Variants in MITF observed in about 807,000 individuals in gnomAD.
The protein encoded by MITF is microphthalmia-associated transcription factor.
MITF carries 17 observed loss-of-function variants against 60.5 expected under a neutral mutation model. That is an observed-to-expected ratio of 0.28 (90% CI 0.19 to 0.42). The LOEUF (loss-of-function observed/expected upper bound fraction) is 0.42, where lower values mean the gene tolerates loss of function less well. MITF is among the 10% of genes least tolerant of loss of function. The pLI is 1.00. For synonymous variants in MITF, 260 were observed against 248.5 expected, an observed-to-expected ratio of 1.05 and a Z score of -0.43; for missense variants, 622 against 683.5, an observed-to-expected ratio of 0.91 and a Z score of 1.00.
At chr3:69,754,531 A>C (rs1413752079) in intron 1 of MITF, among the ~76,000 whole-genome samples, 2 of 151,944 alleles carry the variant, frequency 1.3e-5, no homozygotes, top group African/African-American at 4.8e-5. Flanking sequence ...TTCTGCCATG[A>C]TTGTAACTTT....
intron 2 of MITF, among the ~76,000 whole-genome samples, chr3:69,930,625 TTGAATGGTGAACATA>T (rs2065698829): frequency 6.6e-6 from 1 of 152,200 alleles, no homozygotes; most frequent in African/African-American, 2.4e-5. Flanking sequence ...TATTTGTTGA[TTGAATGGTGAACATA>T]TAACTTTTGA....
At chr3:69,842,070 A>G (rs557190001) in intron 1 of MITF, among the ~76,000 whole-genome samples, 1 of 152,332 alleles carries the variant, frequency 6.6e-6, no homozygotes, top group African/African-American at 2.4e-5. Context: ...ATATGAAGTG[A>G]GCGGTGTCCT....
At chr3:69,836,512 G>A (rs1217087740) in intron 1 of MITF, among the ~76,000 whole-genome samples, 3 of 152,142 alleles carry the variant, frequency 2.0e-5, no homozygotes, top group Admixed American at 6.5e-5. Flanking sequence ...CATATTGTAG[G>A]AGCTCAATAA....
intron 1 of MITF, chr3:69,778,892 A>G (rs2062518822): frequency 6.6e-6 from 1 of 152,076 alleles, no homozygotes; most frequent in Non-Finnish European, 1.5e-5. Context: ...GGAAAATTCC[A>G]TTTGGTGTTC....
chr3:69,764,201 G>A (rs1380122178), intron 1 of MITF, among the ~76,000 whole-genome samples: 2 of 152,140 alleles, frequency 1.3e-5, no homozygotes, highest in African/African-American at 4.8e-5. Flanking sequence ...GGCAGTGTTG[G>A]TATTTGAAGC....
chr3:69,911,664 C>G (rs1296168670), intron 2 of MITF, among the ~76,000 whole-genome samples: 1 of 152,064 alleles, frequency 6.6e-6, no homozygotes, highest in East Asian at 1.9e-4. Context: ...TATGCATAGA[C>G]AGTTCACAAA....
chr3:69,840,445 G>A (rs774320371), intron 1 of MITF, among the ~76,000 whole-genome samples: 16 of 152,146 alleles, frequency 1.1e-4, no homozygotes, highest in Non-Finnish European at 1.9e-4. Context: ...GAAGACAATT[G>A]CTCCTTTCAA....
chr3:69,932,673 T>C (rs1024694848), intron 2 of MITF, among the ~76,000 whole-genome samples: 2 of 152,242 alleles, frequency 1.3e-5, no homozygotes, highest in Non-Finnish European at 2.9e-5. Context: ...AGATTATATG[T>C]CCAAGGATAT....
chr3:69,957,121 C>T (rs547451868), intron 8 of MITF, among the ~76,000 whole-genome samples: 21 of 152,284 alleles, frequency 1.4e-4, no homozygotes, highest in Non-Finnish European at 2.4e-4. Flanking sequence ...TTTACCCACC[C>T]TGTCCCCTTC....
chr3:69,902,420 A>G (rs966655563), intron 2 of MITF, among the ~76,000 whole-genome samples: 1 of 152,196 alleles, frequency 6.6e-6, no homozygotes, highest in Non-Finnish European at 1.5e-5. Flanking sequence ...ACAAGGACAT[A>G]TGACAAACTC....
intron 2 of MITF, among the ~76,000 whole-genome samples, chr3:69,880,130 G>C (rs2064452726): frequency 6.6e-6 from 1 of 152,116 alleles, no homozygotes; most frequent in South Asian, 2.1e-4. Flanking sequence ...GGAAAGTAGA[G>C]GAACTTCCTT....
In MITF at chr3:69,818,345, A is replaced by G. The variant is rs2063214102; in HGVS notation, c.105-60789A>G. On this transcript the variant is annotated intron_variant, in intron 1 of 9. Coordinates refer to ENST00000352241, the MANE Select transcript of MITF (RefSeq NM_001354604.2). ...CTGTTTCCTCTTAGGTGTCCTGTTC[A>G]TTCTCTTGAGGAGGCATTGATTTCC... is the stretch of plus-strand genomic sequence containing the variant. 2.0e-5 allele frequency among the ~76,000 whole-genome samples: 3 copies of G among 152,048 alleles called. No individual in the cohort carries two copies. The South Asian group carries it at 6.2e-4, about 32-fold the overall frequency.
chr3:69,816,520 G>A (rs1046474837), intron 1 of MITF, among the ~76,000 whole-genome samples: 35 of 152,106 alleles, frequency 2.3e-4, no homozygotes, highest in African/African-American at 8.2e-4. Flanking sequence ...GAAATAATCT[G>A]GTACCAGCTG....
intron 2 of MITF, among the ~76,000 whole-genome samples, chr3:69,907,744 T>C (rs1383365696): frequency 6.6e-6 from 1 of 152,152 alleles, no homozygotes; most frequent in Non-Finnish European, 1.5e-5. Flanking sequence ...AGTCTGAGGC[T>C]TTCCTCAGAC....
At chr3:69,927,046 A>C (rs1355480855) in intron 2 of MITF, among the ~76,000 whole-genome samples, 1 of 152,236 alleles carries the variant, frequency 6.6e-6, no homozygotes, top group Non-Finnish European at 1.5e-5. Flanking sequence ...ATAGAAAATA[A>C]TAAAATAACA....
At chr3:69,872,397 T>G (rs2064259172) in intron 1 of MITF, among the ~76,000 whole-genome samples, 1 of 152,088 alleles carries the variant, frequency 6.6e-6, no homozygotes, top group African/African-American at 2.4e-5. Context: ...GTTACAGAGG[T>G]CTCTAAACAT....
At chr3:69,763,117 A>T (rs1028464005) in intron 1 of MITF, among the ~76,000 whole-genome samples, 2 of 152,208 alleles carry the variant, frequency 1.3e-5, no homozygotes, top group Admixed American at 6.5e-5. Flanking sequence ...GTATTTTCAA[A>T]AGAATTCCAA....
At chr3:69,898,352 C>G (rs998731094) in intron 2 of MITF, among the ~76,000 whole-genome samples, 1 of 152,194 alleles carries the variant, frequency 6.6e-6, no homozygotes, top group East Asian at 1.9e-4. Flanking sequence ...GGAGGAGCAA[C>G]AGCAAAGGGG....
intron 1 of MITF, among the ~76,000 whole-genome samples, chr3:69,808,152 A>T (rs7647742): frequency 0.024 from 3,531 of 148,390 alleles, 137 homozygotes; most frequent in African/African-American, 0.081. Context: ...TATATATATA[A>T]AATTAGAGTG....
Sources: allele counts gnomAD v4.1 joint callset (sites outside exome capture counted in the v4.1 genomes callset), GRCh38; gene constraint gnomAD v4.1.1; transcripts MANE v1.5; gene names NCBI Gene and HGNC (gene_info 2026-07-23, HGNC 2026-07-21).